Variants in FAM168A observed in about 807,000 individuals in gnomAD.
FAM168A encodes protein FAM168A.
FAM168A carries 3 observed loss-of-function variants against 28.5 expected under a neutral mutation model. The ratio of observed to expected loss-of-function variants is 0.11; its 90% CI spans 0.05 to 0.27. FAM168A has a LOEUF of 0.27. Among genes scored for constraint, FAM168A ranks in the 10% least tolerant of loss-of-function variants. The probability of loss-of-function intolerance (pLI) is 1.00; values close to 1 mark genes in which losing one functional copy is unlikely to be tolerated. For missense variants in FAM168A, 222 were observed against 311.5 expected (o/e 0.71, Z 2.16); for synonymous variants, 122 against 124.2 (o/e 0.98, Z 0.12).
intron 1 of FAM168A, among the ~76,000 whole-genome samples, chr11:73,525,146 T>C (rs1943433526): frequency 6.6e-6 from 1 of 152,160 alleles, no homozygotes; most frequent in Admixed American, 6.5e-5. Flanking sequence ...TATGTTTCTT[T>C]TAGTTTCTGT....
intron 1 of FAM168A, among the ~76,000 whole-genome samples, chr11:73,553,645 G>A (rs1445105282): frequency 6.6e-6 from 1 of 152,046 alleles, no homozygotes; most frequent in Non-Finnish European, 1.5e-5. Context: ...TCCCTGCAAT[G>A]ATCTAGGATA....
At position 73,556,858 on chromosome 11, in the gene FAM168A, T is replaced by TA. The variant is rs775556330; in HGVS notation, c.-19+41064dup. ...CAACATGGCAAAACCCTGCCTCTAC[T>TA]AAAAAAAAAAAAATACAAAAATTGA... is the stretch of plus-strand genomic sequence containing the variant. On this transcript the variant is annotated intron_variant, in intron 1 of 7. Transcript: ENST00000356467. Among the ~76,000 whole-genome samples the TA allele has an allele frequency of 5.4e-3, 770 of 141,588 alleles. 4 individuals carry two copies. Among genetic ancestry groups the TA allele is most frequent in the African/African-American group, 0.015 (583 of 38,626 alleles). 92.9% of individuals were successfully genotyped at this position (141,588 alleles called of 152,430 possible). A position where few individuals can be genotyped will look rare whatever the true frequency, so the allele number is the denominator to read the frequency against.
At chr11:73,484,566 A>ATATCTATATATCGATATC (rs1383077578) in intron 1 of FAM168A, among the ~76,000 whole-genome samples, 1 of 146,118 alleles carries the variant, frequency 6.8e-6, no homozygotes, top group African/African-American at 2.5e-5. Flanking sequence ...ATATATCTAT[A>ATATCTATATATCGATATC]TATCTATATA....
At chr11:73,447,736 C>CTTTAGAGGGATTT (rs1411857128) in intron 2 of FAM168A, among the ~76,000 whole-genome samples, 4 of 151,594 alleles carry the variant, frequency 2.6e-5, no homozygotes, top group African/African-American at 2.4e-5. Flanking sequence ...TCTAATCCCT[C>CTTTAGAGGGATTT]TCTAATCACC....
chr11:73,475,205 T>C (rs79582142), intron 1 of FAM168A, among the ~76,000 whole-genome samples: 12,542 of 152,160 alleles, frequency 0.082, 1,555 homozygotes, highest in African/African-American at 0.27. Flanking sequence ...TGTTTAAACT[T>C]AGTGTTTTAG....
intron 1 of FAM168A, among the ~76,000 whole-genome samples, chr11:73,524,684 G>A (rs1590832591): frequency 2.6e-5 from 4 of 152,058 alleles, no homozygotes; most frequent in South Asian, 4.2e-4. Context: ...TGCAACCTCC[G>A]CCTCCCAGAC....
intron 1 of FAM168A, among the ~76,000 whole-genome samples, chr11:73,498,105 A>G (rs1590816888): frequency 6.6e-6 from 1 of 152,288 alleles, no homozygotes; most frequent in East Asian, 1.9e-4. Flanking sequence ...AGCAGCTAAG[A>G]GCAGTGACTC....
chr11:73,425,444 C>A (rs1208266896), intron 3 of FAM168A, among the ~76,000 whole-genome samples: 1 of 152,226 alleles, frequency 6.6e-6, no homozygotes, highest in Non-Finnish European at 1.5e-5. Flanking sequence ...CCATCTTTGG[C>A]CTCTAAAGAG....
In FAM168A at chr11:73,540,428, T is replaced by A. The variant is rs972302416; in HGVS notation, c.-19+57495A>T. Among the ~76,000 whole-genome samples, 6 of 152,114 alleles carry A rather than the reference T, an allele frequency of 3.9e-5. No individual in the cohort carries two copies. The East Asian group carries it at 7.7e-4, about 20-fold the overall frequency. On this transcript the variant is annotated intron_variant, in intron 1 of 7. Transcript: ENST00000356467. ...CTCTGCCCAGAGTCAGATACCAAAT[T>A]ACCTAATGGAAGTCAGAACTAACCC...
At chr11:73,445,487 C>G (rs2134538216) in intron 2 of FAM168A, among the ~76,000 whole-genome samples, 1 of 115,670 alleles carries the variant, frequency 8.6e-6, no homozygotes, top group Admixed American at 1.3e-4. Context: ...CCAGGCTGGT[C>G]TCTCCTGGCT....
intron 1 of FAM168A, among the ~76,000 whole-genome samples, chr11:73,501,309 T>C (rs1393191566): frequency 6.6e-6 from 1 of 152,166 alleles, no homozygotes; most frequent in Non-Finnish European, 1.5e-5. Context: ...AACAAGGATA[T>C]TCGGGACTTG....
At chr11:73,534,408 T>A (rs192894349) in intron 1 of FAM168A, among the ~76,000 whole-genome samples, 1 of 125,998 alleles carries the variant, frequency 7.9e-6, no homozygotes, top group East Asian at 2.0e-4. Context: ...TATTTATTTA[T>A]TTTTTTTTTT....
chr11:73,556,190 A>T lies in FAM168A; in HGVS notation c.-19+41733T>A, dbSNP rs575194321. On this transcript the variant is annotated intron_variant, in intron 1 of 7. Coordinates refer to ENST00000356467, the MANE Select transcript of FAM168A (RefSeq NM_015159.3). ...TGAAACCCTGGTTCTACCAAAAAAA[A>T]TTTTTTTAATTAGCCAAGTGTGGTG... Among the ~76,000 whole-genome samples, 713 of 151,996 alleles carry T rather than the reference A, an allele frequency of 4.7e-3. 7 individuals are homozygous for T. The highest frequency in any genetic ancestry group is 0.016 in the African/African-American group (683 of 41,442).
chr11:73,527,057 A>G (rs1048632388), intron 1 of FAM168A, among the ~76,000 whole-genome samples: 3 of 152,130 alleles, frequency 2.0e-5, no homozygotes, highest in Non-Finnish European at 4.4e-5. Context: ...GGTATAAAGA[A>G]ATAGCAAAAC....
At chr11:73,470,393 A>G (rs1283782699) in intron 1 of FAM168A, among the ~76,000 whole-genome samples, 1 of 152,332 alleles carries the variant, frequency 6.6e-6, no homozygotes, top group African/African-American at 2.4e-5. Flanking sequence ...AAAGACTGAT[A>G]AAGTGCTGCA....
chr11:73,449,451 C>G (rs866692001), intron 2 of FAM168A, among the ~76,000 whole-genome samples: 10 of 152,146 alleles, frequency 6.6e-5, no homozygotes, highest in South Asian at 6.2e-4. Context: ...ATGAAAATAA[C>G]TATAATAATA....
intron 1 of FAM168A, among the ~76,000 whole-genome samples, 178 bp from the exon 2 acceptor site, chr11:73,468,670 T>A (rs574170333): frequency 6.6e-6 from 1 of 152,342 alleles, no homozygotes; most frequent in East Asian, 1.9e-4. Context: ...ACTTTCCCCA[T>A]TTGACAGATG....
intron 1 of FAM168A, among the ~76,000 whole-genome samples, chr11:73,539,667 C>G (rs1271277455): frequency 6.6e-6 from 1 of 152,206 alleles, no homozygotes; most frequent in African/African-American, 2.4e-5. Context: ...CACTTCTAAG[C>G]CAGGAGCATC....
intron 1 of FAM168A, among the ~76,000 whole-genome samples, chr11:73,594,503 G>A (rs1256431999): frequency 1.3e-5 from 2 of 152,044 alleles, no homozygotes; most frequent in African/African-American, 2.4e-5. Context: ...ATGTTTTGCA[G>A]CCATTACCAC....
Sources: gnomAD v4.1 joint callset for allele counts (sites outside exome capture counted in the v4.1 genomes callset) on GRCh38, gnomAD v4.1.1 for gene constraint, MANE v1.5 for transcripts, NCBI Gene and HGNC (gene_info 2026-07-23, HGNC 2026-07-21) for gene names.